The following ANK2 variants were observed in gnomAD, a reference collection of about 807,000 sequenced individuals.
The protein encoded by ANK2 is ankyrin-2.
ANK2 carries 83 observed loss-of-function variants against 360.5 expected under a neutral mutation model. That is an observed-to-expected ratio of 0.23 (90% CI 0.19 to 0.28). ANK2 has a LOEUF of 0.28. Ranked by LOEUF, ANK2 falls within the 10% of genes least tolerant of loss-of-function variation. ANK2 has a pLI of 1.00. For missense variants in ANK2, 4,201 were observed against 4,795.7 expected (o/e 0.88, Z 3.66); for synonymous variants, 1,740 against 1,759.5 (o/e 0.99, Z 0.28).
rs764136245 is a variant in ANK2, at chr4:113,356,121, A to C, written c.7503A>C (p.Glu2501Asp). 16 of 1,614,104 alleles carry C rather than the reference A, an allele frequency of 9.9e-6. No homozygotes were observed. In the East Asian group the frequency reaches 3.3e-4, roughly 34 times the overall value. ...TTGCCAAAACAGAACTCTTGACGGA[A>C]GTGGCCTCTGTGCGGTCCCGGCTAC... ...AAVAKTELLT[E>D]VASVRSRLLR... Residue 2501 changes from glutamate (E) to aspartate (D), a missense_variant, in exon 38 of 46, where the codon GAA (glutamate) becomes GAC (aspartate). Glu to Asp is a conservative substitution (Grantham distance 45). Around this residue, in one of 4 missense-constraint regions of ANK2, gnomAD observed 2,642 missense variants for 2,714.5 expected, o/e 0.97. Coordinates refer to ENST00000357077, the MANE Select transcript of ANK2 (RefSeq NM_001148.6).
chr4:113,246,085 C>T (rs1381355530), intron 9 of ANK2, among the ~76,000 whole-genome samples: 6 of 152,318 alleles, frequency 3.9e-5, no homozygotes, highest in African/African-American at 1.4e-4. Context: ...CGTGAGCCAC[C>T]ACACCCGGCC....
upstream of ANK2, among the ~76,000 whole-genome samples, chr4:112,816,160 T>C (rs941719705): frequency 4.6e-5 from 7 of 152,158 alleles, no homozygotes; most frequent in African/African-American, 1.2e-4. Context: ...AGTGTCAGAA[T>C]TGAATTAAAT....
chr4:112,712,387 C>CAT, the ANK2 span, among the ~76,000 whole-genome samples: 16 of 115,404 alleles, frequency 1.4e-4, no homozygotes, highest in South Asian at 6.0e-4. Context: ...GCCAAGATGT[C>CAT]ATATATATAT....
chr4:112,962,690 T>C (rs745791540), intron 2 of ANK2, among the ~76,000 whole-genome samples: 4 of 152,180 alleles, frequency 2.6e-5, no homozygotes, highest in Admixed American at 6.5e-5. Flanking sequence ...TGGGAATTTA[T>C]TAAGAAAACA....
the ANK2 span, among the ~76,000 whole-genome samples, chr4:112,722,807 C>T: frequency 1.3e-5 from 2 of 151,850 alleles, no homozygotes; most frequent in Non-Finnish European, 1.5e-5. Context: ...ATGTGCTTAC[C>T]CCTAGAAAAG....
chr4:112,804,416 T>C, the ANK2 span, among the ~76,000 whole-genome samples: 1 of 152,270 alleles, frequency 6.6e-6, no homozygotes, highest in Non-Finnish European at 1.5e-5. Flanking sequence ...AATGAGTGTA[T>C]GAAGGGACAG....
the ANK2 span, among the ~76,000 whole-genome samples, chr4:112,779,240 C>T: frequency 2.6e-5 from 4 of 152,124 alleles, no homozygotes; most frequent in African/African-American, 9.7e-5. Context: ...CCACTTTGGC[C>T]GGGTGCGGTG....
chr4:113,149,258 T>G (rs1256091524), intron 1 of ANK2: 1 of 152,174 alleles, frequency 6.6e-6, no homozygotes, highest in Non-Finnish European at 1.5e-5. Context: ...GAAAGATTTT[T>G]GGGAGATTAT....
intron 1 of ANK2, among the ~76,000 whole-genome samples, chr4:113,165,586 T>C (rs1397309190): frequency 1.3e-5 from 2 of 152,184 alleles, no homozygotes. Flanking sequence ...AATTCAACTA[T>C]GATGTTTTAA....
intron 5 of ANK2, among the ~76,000 whole-genome samples, chr4:113,233,105 T>C (rs1272430119): frequency 7.0e-5 from 1 of 14,300 alleles, no homozygotes; most frequent in Non-Finnish European, 1.3e-4. Flanking sequence ...TTGGCTTTTC[T>C]GTTTTTTTTT....
chr4:113,069,602 CT>C (rs1190210939), intron 1 of ANK2, among the ~76,000 whole-genome samples: 1 of 152,192 alleles, frequency 6.6e-6, no homozygotes, highest in Non-Finnish European at 1.5e-5. Context: ...CCAAATGAAA[CT>C]AAATAGGACA....
In ANK2 at chr4:113,358,483, A is replaced by G; in HGVS notation, c.9865A>G (p.Thr3289Ala). ...EEQKSVIEIP[T>A]APMENVPFTE... ...ACAGAAATCAGTAATCGAGATTCCT[A>G]CTGCACCCATGGAGAATGTGCCTTT... is the stretch of plus-strand genomic sequence containing the variant. Residue 3289 changes from threonine (T) to alanine (A), a missense_variant, in exon 38 of 46, where the codon ACT becomes GCT. By Grantham distance (58) the Thr-to-Ala change is moderately conservative. Transcript: ENST00000357077. 1 of 1,614,102 alleles carries G rather than the reference A, an allele frequency of 6.2e-7. No homozygotes were observed. The highest frequency in any genetic ancestry group is 8.5e-7 in the Non-Finnish European group (1 of 1,179,974).
rs546735727 is a variant in ANK2 at position 113,334,130 on chromosome 4, T to C, written c.3379+922T>C. Among the ~76,000 whole-genome samples, 14 of 152,334 alleles carry C rather than the reference T, an allele frequency of 9.2e-5. No individual in the cohort carries two copies. In the East Asian group the frequency reaches 1.7e-3, roughly 19 times the overall value. On this transcript the variant is annotated intron_variant, in intron 29 of 45. Transcript: ENST00000357077. ...TCTGGCACTAGTTTCAGATATGGCT[T>C]ATGGATAGGAAAGAGTAGCCTGACC...
At chr4:112,776,135 G>A in the ANK2 span, among the ~76,000 whole-genome samples, 30 of 152,154 alleles carry the variant, frequency 2.0e-4, no homozygotes, top group African/African-American at 7.2e-4. Context: ...AGAGGAAGTA[G>A]TGAGGGATAC....
At chr4:113,102,443 T>G (rs2093012681) in intron 1 of ANK2, among the ~76,000 whole-genome samples, 2 of 151,976 alleles carry the variant, frequency 1.3e-5, no homozygotes, top group African/African-American at 4.8e-5. Flanking sequence ...GAACTTTGGA[T>G]TGAGCACATA....
At chr4:113,243,525 G>A (rs981798954) in intron 9 of ANK2, among the ~76,000 whole-genome samples, 1 of 152,116 alleles carries the variant, frequency 6.6e-6, no homozygotes, top group South Asian at 2.1e-4. Context: ...ACAACACGTG[G>A]GAGTTCTGGA....
At chr4:112,936,544 C>A (rs2093737588) in intron 2 of ANK2, among the ~76,000 whole-genome samples, 1 of 152,020 alleles carries the variant, frequency 6.6e-6, no homozygotes. Context: ...TAGGGTTTTA[C>A]CATGTGGATC....
At chr4:113,205,636 C>A (rs115293750) in intron 4 of ANK2, among the ~76,000 whole-genome samples, 2 of 152,090 alleles carry the variant, frequency 1.3e-5, no homozygotes, top group Admixed American at 1.3e-4. Flanking sequence ...ACTATTAATT[C>A]CAGTTGTAAG....
chr4:112,775,562 G>A, the ANK2 span, among the ~76,000 whole-genome samples: 35 of 45,266 alleles, frequency 7.7e-4, no homozygotes. Context: ...AAAATTCTAA[G>A]ATTTTAAGAT....
Sources: gnomAD v4.1 joint callset for allele counts (sites outside exome capture counted in the v4.1 genomes callset) on GRCh38, gnomAD v4.1.1 for gene constraint, gnomAD v4.1.1 regional missense constraint, MANE v1.5 for transcripts, NCBI Gene and HGNC (gene_info 2026-07-23, HGNC 2026-07-21) for gene names.